TCF12: variants seen among roughly 807,000 people sequenced by gnomAD.
TCF12 encodes DNA-binding protein HTF4.
Under a neutral mutation model 86.0 loss-of-function variants are expected in TCF12, and 45 were observed. The ratio of observed to expected loss-of-function variants is 0.52; its 90% confidence interval spans 0.41 to 0.67. The LOEUF (loss-of-function observed/expected upper bound fraction) is 0.67, where lower values mean the gene tolerates loss of function less well. Among genes scored for constraint, TCF12 ranks in the 30% least tolerant of loss-of-function variants. TCF12 has a pLI of 0.00. For missense variants in TCF12, 881 were observed against 859.9 expected (o/e 1.02, Z -0.31); for synonymous variants, 330 against 299.6 (o/e 1.10, Z -1.05).
At chr15:57,222,758 ATTTTTTTTTTTTTTTT>A (rs57645813) in intron 8 of TCF12, among the ~76,000 whole-genome samples, 6 of 45,530 alleles carry the variant, frequency 1.3e-4, no homozygotes, top group South Asian at 1.4e-3. Context: ...AAGGACTGCC[ATTTTTTTTTTTTTTTT>A]TTTTTTTTTT....
intron 8 of TCF12, among the ~76,000 whole-genome samples, chr15:57,208,055 A>G (rs1597324887): frequency 6.8e-6 from 1 of 147,638 alleles, no homozygotes; most frequent in Non-Finnish European, 1.5e-5. Context: ...TTTTTTAAAG[A>G]CAGAGTATTG....
chr15:57,120,781 G>A (rs2051173002), intron 5 of TCF12, among the ~76,000 whole-genome samples: 1 of 152,186 alleles, frequency 6.6e-6, no homozygotes, highest in African/African-American at 2.4e-5. Context: ...GTGTAGGAAA[G>A]TGAGACATTC....
At chr15:57,108,180 C>G (rs1282369367) in intron 5 of TCF12, among the ~76,000 whole-genome samples, 2 of 152,076 alleles carry the variant, frequency 1.3e-5, no homozygotes, top group Non-Finnish European at 1.5e-5. Context: ...GAATTAAGTA[C>G]TTACATAAAA....
chr15:57,272,082 GA>G (rs2061170759), intron 18 of TCF12, among the ~76,000 whole-genome samples: 1 of 152,158 alleles, frequency 6.6e-6, no homozygotes, highest in African/African-American at 2.4e-5. Context: ...GATCTTTCAT[GA>G]CTGGCTTTTT....
intron 8 of TCF12, among the ~76,000 whole-genome samples, chr15:57,213,018 A>G (rs1173920459): frequency 6.6e-6 from 1 of 152,260 alleles, no homozygotes; most frequent in Non-Finnish European, 1.5e-5. Flanking sequence ...ACATAGAACA[A>G]GTAGCTTAAC....
At chr15:57,019,102 G>A (rs554098505) in intron 3 of TCF12, among the ~76,000 whole-genome samples, 1 of 152,278 alleles carries the variant, frequency 6.6e-6, no homozygotes, top group South Asian at 2.1e-4. Context: ...GAGTTTTTAG[G>A]AATCAACCTA....
intron 6 of TCF12, among the ~76,000 whole-genome samples, chr15:57,183,328 A>G: frequency 6.6e-6 from 1 of 152,292 alleles, no homozygotes; most frequent in East Asian, 1.9e-4. Flanking sequence ...TATATACACA[A>G]ATGCACACAC....
chr15:57,034,299 A>C (rs2066374217), intron 3 of TCF12, among the ~76,000 whole-genome samples: 2 of 151,890 alleles, frequency 1.3e-5, no homozygotes, highest in African/African-American at 4.8e-5. Flanking sequence ...CTTGTTGATG[A>C]CTTTTTTTTC....
chr15:57,242,994 G>A (rs549243752), intron 12 of TCF12, among the ~76,000 whole-genome samples: 33 of 152,278 alleles, frequency 2.2e-4, no homozygotes, highest in African/African-American at 7.9e-4. Context: ...ATCAAACTGA[G>A]TAACTTTTTA....
intron 16 of TCF12, among the ~76,000 whole-genome samples, chr15:57,254,235 A>G (rs1271379895): frequency 1.3e-5 from 2 of 152,220 alleles, no homozygotes; most frequent in African/African-American, 2.4e-5. Flanking sequence ...GCTATAAGCC[A>G]TGTGATGAAG....
rs752394234 is a variant in TCF12 at position 57,038,101 on chromosome 15, C to T, written c.149-25649C>T. On this transcript the variant is annotated intron_variant, in intron 3 of 20. Coordinates refer to ENST00000333725, the MANE Select transcript of TCF12 (RefSeq NM_207037.2). The stretch of plus-strand genomic sequence containing the variant: ...AGAAAGGAATTAATAGCTATTTATT[C>T]ACAACATCTGATTAGGAAGCTGGGA... Among the ~76,000 whole-genome samples, 4 of 152,106 alleles carry T rather than the reference C, an allele frequency of 2.6e-5. 1 individual carries two copies. Among genetic ancestry groups the T allele is most frequent in the Non-Finnish European group, 5.9e-5 (4 of 68,030 alleles).
At chr15:57,177,957 A>G (rs953493341) in intron 6 of TCF12, among the ~76,000 whole-genome samples, 7 of 152,236 alleles carry the variant, frequency 4.6e-5, no homozygotes, top group African/African-American at 9.6e-5. Context: ...TGTTCTCTCC[A>G]TGAAAATTGA....
intron 8 of TCF12, among the ~76,000 whole-genome samples, chr15:57,225,714 T>C (rs1432265466): frequency 6.6e-6 from 1 of 152,206 alleles, no homozygotes; most frequent in Non-Finnish European, 1.5e-5. Context: ...TGGGTATAGT[T>C]ATTAAAGCAA....
intron 5 of TCF12, among the ~76,000 whole-genome samples, chr15:57,152,228 C>A (rs1276931937): frequency 6.6e-6 from 1 of 152,184 alleles, no homozygotes; most frequent in African/African-American, 2.4e-5. Flanking sequence ...TACTGTTCTA[C>A]CCACAGTATC....
chr15:57,104,435 C>CTTTTTTTTTTTTTTTTTTTTTTTTTTTT (rs71113062), intron 5 of TCF12, among the ~76,000 whole-genome samples: 2 of 103,362 alleles, frequency 1.9e-5, no homozygotes, highest in Non-Finnish European at 1.9e-5. Flanking sequence ...TTTTTTTTTT[C>CTTTTTTTTTTTTTTTTTTTTTTTTTTTT]TTTTTTTTTT....
At chr15:57,252,704 A>AT (rs1355764589) in intron 15 of TCF12, among the ~76,000 whole-genome samples, 17 of 152,080 alleles carry the variant, frequency 1.1e-4, no homozygotes, top group African/African-American at 4.1e-4. Flanking sequence ...TGTGCTTTTG[A>AT]TTTTTTTAAT....
chr15:57,028,421 G>A (rs1157931160), intron 3 of TCF12, among the ~76,000 whole-genome samples: 1 of 152,062 alleles, frequency 6.6e-6, no homozygotes, highest in Non-Finnish European at 1.5e-5. Context: ...TATTCATGTG[G>A]TAGTATCTCA....
chr15:57,242,593 G>T (rs1380710349), intron 12 of TCF12, among the ~76,000 whole-genome samples: 1 of 152,118 alleles, frequency 6.6e-6, no homozygotes, highest in Non-Finnish European at 1.5e-5. Context: ...CTTGAACCTG[G>T]CGGGGTGGAG....
In TCF12 at chr15:57,018,978, C is replaced by G. The variant is rs533933197; in HGVS notation, c.149-44772C>G. Among the ~76,000 whole-genome samples the G allele has an allele frequency of 7.9e-5, 12 of 152,036 alleles. No individual in the cohort carries two copies. In the South Asian group the frequency reaches 2.5e-3, roughly 32 times the overall value. On this transcript the variant is annotated intron_variant, in intron 3 of 20. Coordinates refer to ENST00000333725, the MANE Select transcript of TCF12 (RefSeq NM_207037.2). Reference sequence around the variant, plus strand: ...AAAGGCCTGGACTGACTAAGGCTTACGAGACAATTAAATTGACTTTAAATT... The same window carrying G: ...AAAGGCCTGGACTGACTAAGGCTTAGGAGACAATTAAATTGACTTTAAATT...
Sources: allele counts gnomAD v4.1 joint callset (sites outside exome capture counted in the v4.1 genomes callset), GRCh38; gene constraint gnomAD v4.1.1; transcripts MANE v1.5; gene names NCBI Gene and HGNC (gene_info 2026-07-23, HGNC 2026-07-21).